The following OXCT1 variants were observed in gnomAD, a reference collection of about 807,000 sequenced individuals.
OXCT1 encodes the protein succinyl-CoA:3-ketoacid coenzyme A transferase 1, mitochondrial.
Under a neutral mutation model 69.6 loss-of-function variants are expected in OXCT1, and 27 were observed. The observed-to-expected ratio is 0.39, with a 90% CI of 0.29 to 0.54. The LOEUF (loss-of-function observed/expected upper bound fraction) is 0.54. Among genes scored for constraint, OXCT1 ranks in the 20% least tolerant of loss-of-function variants. The pLI is 0.72. For missense variants in OXCT1, 437 were observed against 650.2 expected (o/e 0.67, Z 3.57); for synonymous variants, 202 against 217.8 (o/e 0.93, Z 0.64).
chr5:41,859,443 CAT>C (rs1321812735), intron 3 of OXCT1, among the ~76,000 whole-genome samples: 2 of 152,110 alleles, frequency 1.3e-5, no homozygotes, highest in Non-Finnish European at 2.9e-5. Flanking sequence ...ATGGAAAAGA[CAT>C]TAAATTTGTG....
At chr5:41,805,850 G>C (rs1435519871) in intron 8 of OXCT1, among the ~76,000 whole-genome samples, 169 bp from the exon 9 acceptor site, 1 of 152,064 alleles carries the variant, frequency 6.6e-6, no homozygotes, top group Admixed American at 6.6e-5. Context: ...TTTGATGGTA[G>C]AAATAATTCT....
intron 7 of OXCT1, among the ~76,000 whole-genome samples, chr5:41,832,420 C>A (rs1748143376): frequency 6.6e-6 from 1 of 151,664 alleles, no homozygotes; most frequent in South Asian, 2.1e-4. Context: ...ACCTGGTAAC[C>A]CAGAAAATTC....
chr5:41,775,057 C>T (rs1012703178), intron 13 of OXCT1, among the ~76,000 whole-genome samples: 15 of 151,980 alleles, frequency 9.9e-5, no homozygotes, highest in Admixed American at 3.9e-4. Context: ...TTGCAAAATA[C>T]ATAATACTTC....
chr5:41,855,868 T>C (rs1749405736), intron 3 of OXCT1, among the ~76,000 whole-genome samples: 2 of 151,950 alleles, frequency 1.3e-5, no homozygotes, highest in South Asian at 4.2e-4. Flanking sequence ...TTACAGGAGG[T>C]GGCACTTACA....
intron 13 of OXCT1, among the ~76,000 whole-genome samples, chr5:41,774,536 C>A (rs1579709318): frequency 6.6e-6 from 1 of 152,102 alleles, no homozygotes; most frequent in African/African-American, 2.4e-5. Flanking sequence ...GGAAGGACAA[C>A]AAAGGGGTAG....
intron 3 of OXCT1, among the ~76,000 whole-genome samples, chr5:41,857,951 T>G (rs1749507652): frequency 6.6e-6 from 1 of 152,246 alleles, no homozygotes. Context: ...AGCCAGAATA[T>G]AGTTGGACAC....
intron 14 of OXCT1, among the ~76,000 whole-genome samples, chr5:41,750,906 T>C (rs1286783056): frequency 1.3e-5 from 2 of 152,142 alleles, no homozygotes; most frequent in Non-Finnish European, 2.9e-5. Context: ...ATTGGGAATC[T>C]TGGATAGATT....
chr5:41,746,223 C>G (rs1743482232), intron 15 of OXCT1, among the ~76,000 whole-genome samples: 1 of 152,122 alleles, frequency 6.6e-6, no homozygotes, highest in Admixed American at 6.5e-5. Context: ...GGGCTTCATC[C>G]CTGGGATGCA....
At chr5:41,864,351 C>A (rs534870156) in intron 1 of OXCT1, among the ~76,000 whole-genome samples, 37 of 152,286 alleles carry the variant, frequency 2.4e-4, no homozygotes, top group African/African-American at 8.4e-4. Context: ...AAGGTGACAG[C>A]ATAAATATCC....
chr5:41,774,230 T>C (rs2112151302), intron 13 of OXCT1, among the ~76,000 whole-genome samples: 1 of 152,348 alleles, frequency 6.6e-6, no homozygotes, highest in Non-Finnish European at 1.5e-5. Context: ...TTTTTTCCTC[T>C]ATCCTTAGGA....
At chr5:41,846,370 G>C (rs1489721848) in intron 5 of OXCT1, among the ~76,000 whole-genome samples, 1 of 145,052 alleles carries the variant, frequency 6.9e-6, no homozygotes, top group East Asian at 2.0e-4. Context: ...CTATGAGTGA[G>C]AATATGCAGT....
chr5:41,749,645 G>T, intron 14 of OXCT1, 38 bp from the exon 15 acceptor site: 1 of 1,308,888 alleles, frequency 7.6e-7, no homozygotes, highest in Non-Finnish European at 1.1e-6. Context: ...AGTAGTTAGG[G>T]AGCAATTTTT....
intron 15 of OXCT1, among the ~76,000 whole-genome samples, chr5:41,749,286 G>A (rs188593847): frequency 6.6e-6 from 1 of 152,126 alleles, no homozygotes; most frequent in Admixed American, 6.6e-5. Flanking sequence ...ACTTTTCTCT[G>A]ATTATAGCAC....
intron 14 of OXCT1, among the ~76,000 whole-genome samples, chr5:41,758,709 C>T (rs942525748): frequency 1.3e-5 from 2 of 152,082 alleles, no homozygotes; most frequent in Non-Finnish European, 2.9e-5. Flanking sequence ...CTCTGCAACC[C>T]GCAGCACATG....
At position 41,858,780 on chromosome 5, in the gene OXCT1, T is replaced by A. The variant is rs1277862170; in HGVS notation, c.278+2534A>T. Among the ~76,000 whole-genome samples the A allele has an allele frequency of 3.9e-5, 6 of 152,332 alleles. No homozygotes were observed. In the East Asian group the frequency reaches 1.2e-3, roughly 29 times the overall value. ...GGATCACTTACCAAGTTGTATTTCTTTTGTTTACTTTTCATTTTAGACATA... is the reference window on the plus strand; with the variant it reads ...GGATCACTTACCAAGTTGTATTTCTATTGTTTACTTTTCATTTTAGACATA... On this transcript the variant is annotated intron_variant, in intron 3 of 16. Coordinates refer to ENST00000196371, the MANE Select transcript of OXCT1 (RefSeq NM_000436.4).
At chr5:41,850,263 A>C (rs971938181) in intron 4 of OXCT1, 84 bp from the exon 5 acceptor site, 1 of 1,460,566 alleles carries the variant, frequency 6.8e-7, no homozygotes, top group Non-Finnish European at 9.5e-7. Flanking sequence ...GGTTCCTACT[A>C]TCTAGAGGCT....
chr5:41,836,433 T>C (rs767411154), intron 7 of OXCT1, among the ~76,000 whole-genome samples: 5 of 152,186 alleles, frequency 3.3e-5, no homozygotes, highest in African/African-American at 1.2e-4. Context: ...GTAATGTTCA[T>C]ATTGGTTTTG....
intron 14 of OXCT1, among the ~76,000 whole-genome samples, chr5:41,760,884 A>T (rs890297331): frequency 1.1e-4 from 17 of 152,252 alleles, no homozygotes; most frequent in African/African-American, 4.1e-4. Context: ...CAACAAAATC[A>T]TTTTGTGGCA....
At chr5:41,853,394 A>G (rs761140451) in intron 4 of OXCT1, 25 bp downstream of exon 4, 2 of 1,606,176 alleles carry the variant, frequency 1.2e-6, no homozygotes, top group Non-Finnish European at 8.5e-7. Context: ...AGTTAGTATT[A>G]TAAAAGAAAA....
Sources: gnomAD v4.1 joint callset for allele counts (sites outside exome capture counted in the v4.1 genomes callset) on GRCh38, gnomAD v4.1.1 for gene constraint, MANE v1.5 for transcripts, NCBI Gene and HGNC (gene_info 2026-07-23, HGNC 2026-07-21) for gene names.